PRKG1: variants seen among roughly 807,000 people sequenced by gnomAD.
PRKG1 encodes the protein cGMP-dependent protein kinase 1.
PRKG1 carries 35 observed loss-of-function variants against 88.1 expected under a neutral mutation model. The observed-to-expected ratio is 0.40, with a 90% confidence interval of 0.30 to 0.53. The LOEUF is 0.53. Among genes scored for constraint, PRKG1 ranks in the 20% least tolerant of loss-of-function variants. The probability of loss-of-function intolerance (pLI) is 0.59; values close to 1 mark genes in which losing one functional copy is unlikely to be tolerated. For missense variants in PRKG1, 540 were observed against 839.8 expected (o/e 0.64, Z 4.41); for synonymous variants, 303 against 292.5 (o/e 1.04, Z -0.37).
intron 8 of PRKG1, among the ~76,000 whole-genome samples, chr10:52,150,240 C>T (rs1421187376): frequency 3.3e-5 from 5 of 150,850 alleles, no homozygotes; most frequent in Non-Finnish European, 7.4e-5. Context: ...TATTTAATAC[C>T]AAATCTTAGA....
chr10:51,597,364 T>C (rs767678168), intron 3 of PRKG1, among the ~76,000 whole-genome samples: 13 of 152,174 alleles, frequency 8.5e-5, no homozygotes, highest in Non-Finnish European at 1.6e-4. Flanking sequence ...ACTCTAACAT[T>C]ACCCCTGACA....
intron 5 of PRKG1, among the ~76,000 whole-genome samples, chr10:52,043,453 G>A (rs566325297): frequency 1.3e-5 from 2 of 152,094 alleles, no homozygotes; most frequent in South Asian, 4.1e-4. Context: ...AGTGAAATAA[G>A]TCAAACATAA....
chr10:51,044,868 G>A (rs565054658), intron 1 of PRKG1, among the ~76,000 whole-genome samples: 7 of 152,186 alleles, frequency 4.6e-5, no homozygotes, highest in Non-Finnish European at 7.3e-5. Flanking sequence ...TTGAGTTTGA[G>A]TGTTTTATCA....
At chr10:52,038,376 G>C (rs1248259447) in intron 5 of PRKG1, among the ~76,000 whole-genome samples, 1 of 151,748 alleles carries the variant, frequency 6.6e-6, no homozygotes, top group Non-Finnish European at 1.5e-5. Context: ...TGGAAATAAG[G>C]GATGAAGCAC....
chr10:51,238,135 T>C, intron 2 of PRKG1, among the ~76,000 whole-genome samples: 1 of 152,190 alleles, frequency 6.6e-6, no homozygotes, highest in East Asian at 1.9e-4. Context: ...TCATGCTGCT[T>C]AAGTTAGAAG....
chr10:51,138,628 G>T (rs1200136200), intron 1 of PRKG1, among the ~76,000 whole-genome samples: 1 of 140,576 alleles, frequency 7.1e-6, no homozygotes, highest in East Asian at 2.2e-4. Context: ...TTGCTATTTT[G>T]CTTTGATAAA....
intron 9 of PRKG1, among the ~76,000 whole-genome samples, chr10:52,199,561 A>G (rs577665028): frequency 2.0e-5 from 3 of 152,258 alleles, no homozygotes; most frequent in Admixed American, 1.3e-4. Context: ...TTATCTGCAG[A>G]GATCTTCATG....
chr10:51,998,631 A>T (rs1475861093), intron 5 of PRKG1, among the ~76,000 whole-genome samples: 1 of 152,206 alleles, frequency 6.6e-6, no homozygotes, highest in Non-Finnish European at 1.5e-5. Context: ...CCTGAAGCAT[A>T]TATACCAAAC....
intron 9 of PRKG1, among the ~76,000 whole-genome samples, chr10:52,166,524 C>T (rs1035847857): frequency 1.7e-4 from 25 of 145,778 alleles, no homozygotes; most frequent in Middle Eastern, 3.7e-3. Context: ...AGCTCCGCCT[C>T]CCGGGTTCAC....
At chr10:51,946,907 A>G (rs904792509) in intron 5 of PRKG1, among the ~76,000 whole-genome samples, 1 of 152,054 alleles carries the variant, frequency 6.6e-6, no homozygotes, top group African/African-American at 2.4e-5. Context: ...CTCAGGGGTC[A>G]GGGGTCAGGG....
At chr10:51,448,240 C>T (rs996506850) in intron 2 of PRKG1, among the ~76,000 whole-genome samples, 5 of 151,816 alleles carry the variant, frequency 3.3e-5, no homozygotes, top group Non-Finnish European at 5.9e-5. Context: ...AGAGCAAGAC[C>T]CTGTTTCAAG....
chr10:51,164,488 C>A (rs578077728), intron 2 of PRKG1, among the ~76,000 whole-genome samples: 1 of 152,132 alleles, frequency 6.6e-6, no homozygotes, highest in Non-Finnish European at 1.5e-5. Flanking sequence ...AAAAGCAGAG[C>A]GCCTCTCCTC....
At chr10:51,642,719 T>C (rs753954389) in intron 3 of PRKG1, among the ~76,000 whole-genome samples, 8 of 152,176 alleles carry the variant, frequency 5.3e-5, no homozygotes, top group Non-Finnish European at 8.8e-5. Flanking sequence ...CTGTTTATAT[T>C]TCTCCTAAGA....
intron 3 of PRKG1, among the ~76,000 whole-genome samples, chr10:51,603,462 A>G (rs941164081): frequency 6.6e-6 from 1 of 152,134 alleles, no homozygotes; most frequent in Non-Finnish European, 1.5e-5. Context: ...AGGATAGGGA[A>G]AGCGCTATCC....
intron 5 of PRKG1, among the ~76,000 whole-genome samples, chr10:51,974,693 C>T (rs1480360200): frequency 6.6e-6 from 1 of 152,144 alleles, no homozygotes; most frequent in Non-Finnish European, 1.5e-5. Context: ...TTCACCTTAA[C>T]TTCTCCAGAA....
At chr10:51,300,183 A>G (rs1840845569) in intron 2 of PRKG1, among the ~76,000 whole-genome samples, 1 of 152,158 alleles carries the variant, frequency 6.6e-6, no homozygotes, top group Admixed American at 6.6e-5. Context: ...GGCTTACGAC[A>G]AGTTATTTTG....
chr10:51,762,108 A>G (rs1043822030), intron 3 of PRKG1, among the ~76,000 whole-genome samples: 3 of 152,230 alleles, frequency 2.0e-5, no homozygotes, highest in African/African-American at 7.2e-5. Flanking sequence ...ATAGAAGCAG[A>G]TATAAGAACA....
chr10:52,026,345 A>G (rs1266868232), intron 5 of PRKG1, among the ~76,000 whole-genome samples: 2 of 152,232 alleles, frequency 1.3e-5, no homozygotes, highest in Non-Finnish European at 2.9e-5. Context: ...ACTAAATTAC[A>G]CTTCTTTGCA....
intron 1 of PRKG1, among the ~76,000 whole-genome samples, chr10:51,034,668 T>TTATATATATATA (rs1554831108): frequency 6.0e-4 from 41 of 68,138 alleles, no homozygotes; most frequent in Middle Eastern, 0.014. Context: ...AATATGTTAT[T>TTATATATATATA]TATATATATA....
Sources: gnomAD v4.1 joint callset for allele counts (sites outside exome capture counted in the v4.1 genomes callset) on GRCh38, gnomAD v4.1.1 for gene constraint, MANE v1.5 for transcripts, NCBI Gene and HGNC (gene_info 2026-07-23, HGNC 2026-07-21) for gene names.